The following ZFP91 variants were observed in gnomAD, a reference collection of about 807,000 sequenced individuals.
ZFP91 encodes the protein ZFP91 zinc finger protein, atypical E3 ubiquitin ligase.
A neutral mutation model predicts 63.5 loss-of-function variants in ZFP91; 7 were observed. The ratio of observed to expected loss-of-function variants is 0.11; its 90% CI spans 0.06 to 0.21. The LOEUF is 0.21. Ranked by LOEUF, ZFP91 falls within the 10% of genes least tolerant of loss-of-function variation. The pLI is 1.00. For missense variants in ZFP91, 628 were observed against 736.6 expected (o/e 0.85, Z 1.71); for synonymous variants, 330 against 272.1 (o/e 1.21, Z -2.10).
chr11:58,584,739 G>T (rs1402592097), intron 1 of ZFP91, 117 bp from the exon 2 acceptor site: 1 of 908,248 alleles, frequency 1.1e-6, no homozygotes, highest in African/African-American at 1.8e-5. Context: ...AATTCTGTAG[G>T]ACAACACTAG....
At chr11:58,591,727 A>G (rs944829317) in intron 2 of ZFP91, among the ~76,000 whole-genome samples, 4 of 152,138 alleles carry the variant, frequency 2.6e-5, no homozygotes, top group African/African-American at 9.7e-5. Context: ...GCATTATGCA[A>G]TGTATGTAGG....
chr11:58,594,598 A>G (rs1358909166), intron 2 of ZFP91, among the ~76,000 whole-genome samples: 3 of 152,194 alleles, frequency 2.0e-5, no homozygotes, highest in Non-Finnish European at 2.9e-5. Flanking sequence ...AATTCTGTGA[A>G]AGCCTAATAT....
intron 2 of ZFP91, among the ~76,000 whole-genome samples, chr11:58,590,870 T>A (rs1381356907): frequency 6.6e-6 from 1 of 151,864 alleles, no homozygotes; most frequent in African/African-American, 2.4e-5. Flanking sequence ...TTCTATTATT[T>A]AACCGTTACC....
intron 2 of ZFP91, among the ~76,000 whole-genome samples, chr11:58,600,847 GTGTTC>G (rs779718066): frequency 7.9e-5 from 12 of 152,030 alleles, no homozygotes; most frequent in Non-Finnish European, 1.6e-4. Context: ...AGTTTTTTGT[GTGTTC>G]TTATCATGAA....
chr11:58,610,153 G>T, intron 3 of ZFP91, 114 bp downstream of exon 3: 1 of 1,422,088 alleles, frequency 7.0e-7, no homozygotes, highest in Non-Finnish European at 9.7e-7. Context: ...TGATGGTGTA[G>T]GTGGTATTTC....
At chr11:58,581,935 G>A (rs1267540033) in intron 1 of ZFP91, among the ~76,000 whole-genome samples, 2 of 152,142 alleles carry the variant, frequency 1.3e-5, no homozygotes, top group Non-Finnish European at 2.9e-5. Flanking sequence ...TAGTGACAAT[G>A]GCATTCTTCT....
chr11:58,606,744 C>G (rs949917800), intron 2 of ZFP91, among the ~76,000 whole-genome samples: 7 of 152,026 alleles, frequency 4.6e-5, no homozygotes, highest in African/African-American at 1.7e-4. Context: ...CTGGTCCTTT[C>G]GCTTATATTC....
chr11:58,608,862 C>CA (rs1855611698), intron 2 of ZFP91, among the ~76,000 whole-genome samples: 1 of 152,172 alleles, frequency 6.6e-6, no homozygotes, highest in Non-Finnish European at 1.5e-5. Context: ...CTTGGCCACT[C>CA]AAAGTGCTGG....
intron 2 of ZFP91, among the ~76,000 whole-genome samples, chr11:58,594,467 AG>A (rs1267436042): frequency 6.6e-6 from 1 of 152,238 alleles, no homozygotes; most frequent in East Asian, 1.9e-4. Context: ...CTTATGTCTG[AG>A]CAAAGTCTTA....
chr11:58,579,697 C>G (rs1855065383), intron 1 of ZFP91, 75 bp downstream of exon 1: 7 of 1,353,134 alleles, frequency 5.2e-6, no homozygotes, highest in Non-Finnish European at 5.8e-6. Context: ...CCCGTAGCGC[C>G]TACTCCACGT....
chr11:58,590,098 G>A (rs1248214701), intron 2 of ZFP91, among the ~76,000 whole-genome samples: 1 of 152,180 alleles, frequency 6.6e-6, no homozygotes. Context: ...GAAAACTGAA[G>A]CAGAGGAAAC....
In ZFP91 at chr11:58,579,121, G is replaced by A. The variant is rs1855027888; in HGVS notation, c.-161G>A. ...GACCTTGAGTGGCAGGGGGTGGGGGGGGCGCCCTCGGAGCCGGGCGGAGGG... is the reference window on the plus strand; with the variant it reads ...GACCTTGAGTGGCAGGGGGTGGGGGAGGCGCCCTCGGAGCCGGGCGGAGGG... On this transcript the variant is annotated 5_prime_UTR_variant, in exon 1 of 11. Coordinates refer to ENST00000316059, the MANE Select transcript of ZFP91 (RefSeq NM_053023.5). 3.7e-6 allele frequency: 2 copies of A among 535,922 alleles called. No homozygotes were observed. The highest frequency in any genetic ancestry group is 8.6e-5 in the South Asian group (2 of 23,196). The allele number at this position is 535,922 out of a possible 1,614,324, so 33.2% of individuals were successfully genotyped here.
At chr11:58,611,536 T>TAA (rs1042076451) in intron 5 of ZFP91, 68 bp from the exon 6 acceptor site, 1 of 1,548,760 alleles carries the variant, frequency 6.5e-7, no homozygotes, top group Non-Finnish European at 8.7e-7. Context: ...CTCTAAGCTT[T>TAA]AATTTGTTGT....
Position 58,617,748 on chromosome 11 carries a change from AT to A in ZFP91, c.*45del. 6.9e-7 allele frequency: 1 copy of A among 1,445,774 alleles called. No homozygotes were observed. Among genetic ancestry groups the A allele is most frequent in the Non-Finnish European group, 9.1e-7 (1 of 1,101,268 alleles). The allele number at this position is 1,445,774 out of a possible 1,614,324, so 89.6% of individuals were successfully genotyped here. ...GGGCATGGGACAGCTCAGACTTTGT[AT>A]TTAAAAGTTAAAAAGGACAAAAAAA... On this transcript the variant is annotated 3_prime_UTR_variant, in exon 11 of 11. Coordinates refer to ENST00000316059, the MANE Select transcript of ZFP91 (RefSeq NM_053023.5). This position sits in a 1 kb window ranked among gnomAD's most constrained non-coding sequence, Gnocchi z 4.2.
Position 58,579,189 on chromosome 11 carries a change from T to C in ZFP91, c.-93T>C. On this transcript the variant is annotated 5_prime_UTR_variant, in exon 1 of 11. Transcript: ENST00000316059. ...CGCAGGGTGAGAGTGAGCCGCAGGC[T>C]TCGGGAGGCGAGGGGGCGGGGGGAG... is the stretch of plus-strand genomic sequence containing the variant. 1.8e-6 allele frequency: 2 copies of C among 1,087,502 alleles called. No individual in the cohort carries two copies. Among genetic ancestry groups the C allele is most frequent in the Non-Finnish European group, 2.4e-6 (2 of 839,664 alleles). 67.4% of individuals were successfully genotyped at this position (1,087,502 alleles called of 1,614,324 possible).
chr11:58,598,208 C>T (rs2134404383), intron 2 of ZFP91, among the ~76,000 whole-genome samples: 1 of 152,130 alleles, frequency 6.6e-6, no homozygotes, highest in South Asian at 2.1e-4. Flanking sequence ...TAGTCTAAGA[C>T]TTTGTGTGTG....
chr11:58,579,303 C>G lies in ZFP91; in HGVS notation c.22C>G (p.Pro8Ala), dbSNP rs547396009. The change falls in exon 1 of 11, where the codon CCG becomes GCG. Residue 8 changes from proline to alanine, a missense_variant. Physicochemically the swap from Pro to Ala is conservative, Grantham distance 27 (BLOSUM62 -1). Transcript: ENST00000316059. Reference protein sequence around the residue: MPGETEEPRPPEQQDQEG... With the variant: MPGETEEARPPEQQDQEG... ...CCCGATGCCGGGGGAGACGGAAGAGCCGAGACCCCCGGAGCAGCAGGACCA... is the reference window on the plus strand; with the variant it reads ...CCCGATGCCGGGGGAGACGGAAGAGGCGAGACCCCCGGAGCAGCAGGACCA... 166 of 1,481,522 alleles carry G rather than the reference C, an allele frequency of 1.1e-4. No individual in the cohort carries two copies. The East Asian group carries it at 3.9e-3, about 35-fold the overall frequency. 91.8% of individuals were successfully genotyped at this position (1,481,522 alleles called of 1,614,324 possible).
rs1450513069 is a variant in ZFP91, at chr11:58,619,656, A to G, written c.*1950A>G. On this transcript the variant is annotated 3_prime_UTR_variant, in exon 11 of 11. Transcript: ENST00000316059. ...GGGAACAGAGAGTGAGACACCTACA[A>G]TCACCAGTCTCAAATGCGCTATTGT... 1.3e-5 allele frequency: 2 copies of G among 152,628 alleles called. No individual in the cohort carries two copies. Among genetic ancestry groups the G allele is most frequent in the Admixed American group, 1.3e-4 (2 of 15,272 alleles). The allele number at this position is 152,628 out of a possible 1,614,324, so 9.5% of individuals were successfully genotyped here.
chr11:58,611,105 G>A, intron 5 of ZFP91, 51 bp downstream of exon 5: 1 of 1,525,300 alleles, frequency 6.6e-7, no homozygotes, highest in East Asian at 2.3e-5. Context: ...AAGTAGGAAA[G>A]CACTGTTGCA....
Sources: gnomAD v4.1 joint callset for allele counts (sites outside exome capture counted in the v4.1 genomes callset) on GRCh38, gnomAD v4.1.1 for gene constraint, Gnocchi (gnomAD v3.1) non-coding constraint, MANE v1.5 for transcripts, NCBI Gene and HGNC (gene_info 2026-07-23, HGNC 2026-07-21) for gene names.